Variants in PCDH15 observed in about 807,000 individuals in gnomAD.
PCDH15 encodes the protein protocadherin related 15, also known as protocadherin-15.
Under a neutral mutation model 178.5 loss-of-function variants are expected in PCDH15, and 129 were observed. That is an observed-to-expected ratio of 0.72 (90% CI 0.63 to 0.84). PCDH15 has a LOEUF of 0.84. Ranked by LOEUF, PCDH15 falls within the 40% of genes least tolerant of loss-of-function variation. PCDH15 has a pLI of 0.00. For missense variants in PCDH15, 2,230 were observed against 2,099.9 expected, an observed-to-expected ratio of 1.06 and a Z score of -1.21; for synonymous variants, 800 against 732.0, an observed-to-expected ratio of 1.09 and a Z score of -1.50.
chr10:54,511,688 C>T (rs887142005), intron 3 of PCDH15, among the ~76,000 whole-genome samples: 2 of 152,166 alleles, frequency 1.3e-5, no homozygotes, highest in East Asian at 3.9e-4. Context: ...AGTCTCAAAC[C>T]AAACACATAT....
intron 2 of PCDH15, among the ~76,000 whole-genome samples, chr10:55,153,401 C>A (rs1462896262): frequency 3.9e-5 from 6 of 152,128 alleles, no homozygotes; most frequent in Non-Finnish European, 8.8e-5. Context: ...CCAAGTGGTT[C>A]TGCCATAATG....
chr10:53,838,250 C>G (rs2077428185), intron 29 of PCDH15, among the ~76,000 whole-genome samples: 1 of 152,072 alleles, frequency 6.6e-6, no homozygotes, highest in Non-Finnish European at 1.5e-5. Flanking sequence ...GCTGGGATTA[C>G]AGGCGTGAGC....
chr10:54,275,866 G>A (rs1197113794), intron 8 of PCDH15, among the ~76,000 whole-genome samples: 2 of 151,404 alleles, frequency 1.3e-5, no homozygotes, highest in African/African-American at 4.8e-5. Context: ...ATGAAAATTT[G>A]TTTTATAACA....
intron 8 of PCDH15, among the ~76,000 whole-genome samples, chr10:54,263,161 C>T (rs532006461): frequency 3.3e-5 from 5 of 152,194 alleles, no homozygotes; most frequent in Admixed American, 1.3e-4. Flanking sequence ...CGGACATACC[C>T]TAAAACCTGC....
intron 15 of PCDH15, among the ~76,000 whole-genome samples, chr10:54,113,639 G>GACACACACACACACAC (rs57193886): frequency 6.7e-5 from 10 of 149,844 alleles, no homozygotes; most frequent in South Asian, 2.1e-4. Context: ...TCCCAACACA[G>GACACACACACACACAC]ACACACACAC....
intron 1 of PCDH15, among the ~76,000 whole-genome samples, chr10:55,187,070 C>G (rs1038897435): frequency 6.6e-6 from 1 of 151,764 alleles, no homozygotes; most frequent in African/African-American, 2.4e-5. Context: ...CCTATTATAC[C>G]TATTCCTCTT....
chr10:54,027,056 A>T (rs1253828086), intron 18 of PCDH15, among the ~76,000 whole-genome samples: 2 of 146,292 alleles, frequency 1.4e-5, no homozygotes, highest in Admixed American at 6.8e-5. Context: ...GTCTCAGCCC[A>T]AAATCTCCTT....
At chr10:54,206,751 A>T (rs886220924) in intron 10 of PCDH15, among the ~76,000 whole-genome samples, 1 of 152,130 alleles carries the variant, frequency 6.6e-6, no homozygotes, top group Non-Finnish European at 1.5e-5. Context: ...ACAAAAAATA[A>T]CAAAGAGTTT....
At chr10:53,843,090 G>A (rs2077759105) in intron 28 of PCDH15, among the ~76,000 whole-genome samples, 1 of 151,990 alleles carries the variant, frequency 6.6e-6, no homozygotes, top group Non-Finnish European at 1.5e-5. Context: ...ATGGTAGCAG[G>A]GAATCATGAA....
At chr10:54,345,829 A>AC (rs1424515828) in intron 6 of PCDH15, among the ~76,000 whole-genome samples, 2 of 137,120 alleles carry the variant, frequency 1.5e-5, no homozygotes, top group Admixed American at 1.6e-4. Context: ...AAAAAAAAAA[A>AC]AAAAAGAAAT....
At chr10:54,032,080 A>G (rs1193845783) in intron 18 of PCDH15, among the ~76,000 whole-genome samples, 1 of 151,310 alleles carries the variant, frequency 6.6e-6, no homozygotes, top group Non-Finnish European at 1.5e-5. Context: ...TCTTACTTCT[A>G]TTTCTCCAAC....
intron 2 of PCDH15, among the ~76,000 whole-genome samples, chr10:55,080,749 C>T (rs898480168): frequency 6.6e-6 from 1 of 152,144 alleles, no homozygotes; most frequent in African/African-American, 2.4e-5. Context: ...GCATCAACAG[C>T]ATTATGGCTA....
intron 2 of PCDH15, among the ~76,000 whole-genome samples, chr10:54,641,582 CCA>C (rs57194998): frequency 0.11 from 16,638 of 148,266 alleles, 1,065 homozygotes; most frequent in Middle Eastern, 0.17. Flanking sequence ...TATGCAAACA[CCA>C]CACACACACA....
rs535871108 is a variant in PCDH15, at chr10:55,532,834, A to G, written c.-156+94791T>C. Among the ~76,000 whole-genome samples the G allele has an allele frequency of 6.6e-5, 10 of 152,210 alleles. No homozygotes were observed. In the East Asian group the frequency reaches 1.5e-3, roughly 24 times the overall value. ...CTCCTTCACAGAATCCATGACAGAA[A>G]TAATATAAACTGGAATTCCTATGAA... On this transcript the variant is annotated intron_variant, in intron 2 of 5. Transcript: ENST00000613346.
intron 18 of PCDH15, among the ~76,000 whole-genome samples, chr10:54,048,137 A>G (rs1481155575): frequency 1.9e-4 from 29 of 151,926 alleles, no homozygotes; most frequent in Admixed American, 1.9e-3. Flanking sequence ...TCTGGTTTTG[A>G]TATGCATTTC....
chr10:54,003,709 C>T (rs1195744555), intron 20 of PCDH15, among the ~76,000 whole-genome samples: 6 of 105,880 alleles, frequency 5.7e-5, no homozygotes, highest in Admixed American at 3.9e-4. Flanking sequence ...TAAAGAAGTA[C>T]TAATACTAAT....
intron 25 of PCDH15, among the ~76,000 whole-genome samples, chr10:53,914,836 A>C (rs1460108198): frequency 6.6e-6 from 1 of 152,196 alleles, no homozygotes; most frequent in Non-Finnish European, 1.5e-5. Flanking sequence ...TTCTCTAAAA[A>C]GTTTAACTTT....
intron 2 of PCDH15, among the ~76,000 whole-genome samples, chr10:54,983,380 T>C (rs1839287629): frequency 6.6e-6 from 1 of 152,096 alleles, no homozygotes; most frequent in South Asian, 2.1e-4. Context: ...TGTGTAAACC[T>C]TGTCATGAAA....
chr10:55,395,911 A>G (rs1837917088), intron 2 of PCDH15, among the ~76,000 whole-genome samples: 1 of 152,148 alleles, frequency 6.6e-6, no homozygotes, highest in South Asian at 2.1e-4. Context: ...TATAAAAGAT[A>G]ATTAAAATTT....
Sources: allele counts gnomAD v4.1 joint callset (sites outside exome capture counted in the v4.1 genomes callset), GRCh38; gene constraint gnomAD v4.1.1; transcripts MANE v1.5; gene names NCBI Gene and HGNC (gene_info 2026-07-23, HGNC 2026-07-21).